Variants in MAPRE3 observed in about 807,000 individuals in gnomAD.
The protein encoded by MAPRE3 is microtubule-associated protein RP/EB family member 3.
In MAPRE3, 2 loss-of-function variants were observed where a neutral mutation model predicts 30.5. The observed-to-expected ratio is 0.07, with a 90% confidence interval of 0.03 to 0.21. MAPRE3 has a LOEUF of 0.21. MAPRE3 is among the 10% of genes least tolerant of loss of function. The pLI, the probability that MAPRE3 is intolerant of heterozygous loss-of-function variation, is 1.00. For missense variants in MAPRE3, 204 were observed against 351.8 expected, an observed-to-expected ratio of 0.58 and a Z score of 3.36; for synonymous variants, 110 against 127.7, an observed-to-expected ratio of 0.86 and a Z score of 0.93.
At chr2:27,000,021 T>C (rs1372513597) in intron 1 of MAPRE3, among the ~76,000 whole-genome samples, 1 of 152,224 alleles carries the variant, frequency 6.6e-6, no homozygotes, top group African/African-American at 2.4e-5. Flanking sequence ...AGAAAAAATA[T>C]TGTTTTCAAA....
At chr2:27,024,075 T>C (rs376787668) in intron 3 of MAPRE3, 21 bp from the exon 4 acceptor site, 50 of 1,599,988 alleles carry the variant, frequency 3.1e-5, no homozygotes, top group Non-Finnish European at 4.0e-5. Flanking sequence ...TAAAGTACTC[T>C]GCTTATGTGG....
chr2:26,997,736 T>C (rs1400042443), intron 1 of MAPRE3, among the ~76,000 whole-genome samples: 1 of 152,220 alleles, frequency 6.6e-6, no homozygotes, highest in Non-Finnish European at 1.5e-5. Flanking sequence ...ACTTAAATGT[T>C]GTGTAGCAGG....
intron 1 of MAPRE3, among the ~76,000 whole-genome samples, chr2:26,981,873 G>A (rs1366051278): frequency 6.6e-6 from 1 of 152,182 alleles, no homozygotes; most frequent in Non-Finnish European, 1.5e-5. Context: ...ACTCTTAGAT[G>A]TGCTGTTGCG....
intron 1 of MAPRE3, among the ~76,000 whole-genome samples, chr2:26,980,570 CTGT>C (rs754993987): frequency 6.6e-6 from 1 of 152,186 alleles, no homozygotes; most frequent in Admixed American, 6.5e-5. Context: ...TAACCTCAAT[CTGT>C]TGTTGGGCAG....
intron 1 of MAPRE3, among the ~76,000 whole-genome samples, chr2:26,973,531 C>T (rs1346381716): frequency 2.0e-5 from 3 of 151,158 alleles, no homozygotes; most frequent in South Asian, 2.1e-4. Flanking sequence ...TGTCAGAAGC[C>T]GAACAGAAAA....
chr2:27,019,673 C>A (rs888536742), intron 1 of MAPRE3, among the ~76,000 whole-genome samples: 1 of 152,084 alleles, frequency 6.6e-6, no homozygotes, highest in Non-Finnish European at 1.5e-5. Flanking sequence ...AGTCTTTAGG[C>A]GCTCCCAAGA....
intron 1 of MAPRE3, among the ~76,000 whole-genome samples, chr2:26,995,964 A>T (rs1399770602): frequency 6.6e-6 from 1 of 151,780 alleles, no homozygotes; most frequent in Non-Finnish European, 1.5e-5. Flanking sequence ...TGCTTGGCCC[A>T]TTCATATCTG....
intron 1 of MAPRE3, among the ~76,000 whole-genome samples, chr2:27,021,668 C>A (rs1667112638): frequency 6.6e-6 from 1 of 152,192 alleles, no homozygotes; most frequent in South Asian, 2.1e-4. Flanking sequence ...CCCTGCCAAC[C>A]TCATTGTGCC....
rs556462740 is a variant in MAPRE3 at position 26,973,594 on chromosome 2, C to CCGGACTG, written c.-8+2801_-8+2807dup. On this transcript the variant is annotated intron_variant, in intron 1 of 6. Transcript: ENST00000233121. The stretch of plus-strand genomic sequence containing the variant: ...ACGGAGTCTCGCTCTGTCGCCCAGG[C>CCGGACTG]CGGACTGCGGACTGCAGTGGCGCAA... Among the ~76,000 whole-genome samples, 23 of 150,684 alleles carry CCGGACTG rather than the reference C, an allele frequency of 1.5e-4. No homozygotes were observed. The South Asian group carries it at 4.2e-3, about 27-fold the overall frequency.
intron 1 of MAPRE3, among the ~76,000 whole-genome samples, chr2:27,005,403 T>C (rs1239893462): frequency 6.6e-6 from 1 of 152,234 alleles, no homozygotes; most frequent in Non-Finnish European, 1.5e-5. Flanking sequence ...CCTGCAGTTT[T>C]CTCCATCCTT....
intron 1 of MAPRE3, among the ~76,000 whole-genome samples, chr2:26,972,844 T>C (rs1413234569): frequency 6.6e-6 from 1 of 152,232 alleles, no homozygotes; most frequent in Non-Finnish European, 1.5e-5. Context: ...TTAATTTGCC[T>C]TTGAAATCCA....
chr2:26,993,081 C>T (rs745905814), intron 1 of MAPRE3, among the ~76,000 whole-genome samples: 9 of 152,022 alleles, frequency 5.9e-5, no homozygotes, highest in East Asian at 1.9e-4. Flanking sequence ...AATATTAGGA[C>T]GTTATTAGCC....
At chr2:27,019,168 T>C (rs1304754233) in intron 1 of MAPRE3, among the ~76,000 whole-genome samples, 1 of 151,910 alleles carries the variant, frequency 6.6e-6, no homozygotes, top group Non-Finnish European at 1.5e-5. Flanking sequence ...GTGCTGGCAT[T>C]ACAGGCATGA....
intron 1 of MAPRE3, chr2:27,002,735 T>C (rs1666627878): frequency 6.6e-6 from 1 of 152,256 alleles, no homozygotes. Flanking sequence ...AGAGGACCCA[T>C]GATGTTTCTT....
intron 1 of MAPRE3, among the ~76,000 whole-genome samples, chr2:27,007,884 A>G (rs1032025132): frequency 6.6e-6 from 1 of 152,244 alleles, no homozygotes; most frequent in Non-Finnish European, 1.5e-5. Context: ...TGACTATTCT[A>G]TTTATGACCT....
At chr2:27,009,161 T>C (rs1666795261) in intron 1 of MAPRE3, among the ~76,000 whole-genome samples, 1 of 152,100 alleles carries the variant, frequency 6.6e-6, no homozygotes, top group Non-Finnish European at 1.5e-5. Flanking sequence ...TGTGATAAAA[T>C]TTCATGGAGT....
chr2:26,987,734 G>A (rs1477747194), intron 1 of MAPRE3, among the ~76,000 whole-genome samples: 1 of 152,188 alleles, frequency 6.6e-6, no homozygotes, highest in Admixed American at 6.5e-5. Flanking sequence ...AAAGGGATCA[G>A]AGAAGAATCT....
At chr2:27,023,507 G>A (rs1220243543) in intron 3 of MAPRE3, 30 bp downstream of exon 3, 1 of 1,612,538 alleles carries the variant, frequency 6.2e-7, no homozygotes, top group Non-Finnish European at 8.5e-7. Flanking sequence ...GGGGCCCTGA[G>A]GAGCAGTGTG....
chr2:27,001,945 G>C (rs531931031), intron 1 of MAPRE3: 2 of 152,230 alleles, frequency 1.3e-5, no homozygotes, highest in African/African-American at 2.4e-5. Flanking sequence ...ACAAATAATG[G>C]GGTATTTTGC....
Sources: gnomAD v4.1 joint callset for allele counts (sites outside exome capture counted in the v4.1 genomes callset) on GRCh38, gnomAD v4.1.1 for gene constraint, MANE v1.5 for transcripts, NCBI Gene and HGNC (gene_info 2026-07-23, HGNC 2026-07-21) for gene names.